The following RAB3GAP1 variants were observed in gnomAD, a reference collection of about 807,000 sequenced individuals.
RAB3GAP1 encodes RAB3 GTPase activating protein catalytic subunit 1.
A neutral mutation model predicts 130.7 loss-of-function variants in RAB3GAP1; 86 were observed. The observed-to-expected ratio is 0.66, with a 90% confidence interval of 0.55 to 0.79. The LOEUF (loss-of-function observed/expected upper bound fraction) is 0.79, where lower values mean the gene tolerates loss of function less well. Among genes scored for constraint, RAB3GAP1 ranks in the 30% least tolerant of loss-of-function variants. RAB3GAP1 has a pLI of 0.00. For synonymous variants in RAB3GAP1, 367 were observed against 401.7 expected (o/e 0.91, Z 1.03); for missense variants, 1,029 against 1,169.4 (o/e 0.88, Z 1.75).
chr2:135,130,120 A>C, intron 12 of RAB3GAP1, 33 bp downstream of exon 12: 2 of 1,493,900 alleles, frequency 1.3e-6, no homozygotes, highest in Non-Finnish European at 1.9e-6. Flanking sequence ...ATTACTTTCA[A>C]ATGTCTTACT....
At chr2:135,117,549 T>TCTTCTGCTG (rs1558784329) in intron 7 of RAB3GAP1, among the ~76,000 whole-genome samples, 1 of 83,600 alleles carries the variant, frequency 1.2e-5, no homozygotes, top group African/African-American at 3.7e-5. Context: ...TTCTGCTTCT[T>TCTTCTGCTG]CTTCTTCTGC....
rs538228100 is a variant in RAB3GAP1, at chr2:135,164,583, C to T, written c.2607-11C>T. 6.3e-7 allele frequency: 1 copy of T among 1,599,208 alleles called. No homozygotes were observed. Among genetic ancestry groups the T allele is most frequent in the Non-Finnish European group, 8.6e-7 (1 of 1,167,490 alleles). ...CTTTCCACCCTTTCATTGCCTGTCT[C>T]TGTCTCCTAGGTTTGTGAGTTGCCT... On this transcript the variant is annotated splice_polypyrimidine_tract_variant and intron_variant, in intron 22 of 23. Transcript: ENST00000264158.
At chr2:135,084,106 G>A (rs1278035523) in intron 3 of RAB3GAP1, among the ~76,000 whole-genome samples, 1 of 152,082 alleles carries the variant, frequency 6.6e-6, no homozygotes, top group Non-Finnish European at 1.5e-5. Flanking sequence ...TGAGCCAGAT[G>A]TTGTGGCACA....
chr2:135,106,037 A>T (rs1420728486), intron 5 of RAB3GAP1, among the ~76,000 whole-genome samples: 1 of 147,352 alleles, frequency 6.8e-6, no homozygotes, highest in Admixed American at 6.7e-5. Context: ...TCCGCCCGGC[A>T]GCCGCCCCAT....
intron 5 of RAB3GAP1, among the ~76,000 whole-genome samples, chr2:135,094,937 A>G (rs1690248518): frequency 6.6e-6 from 1 of 152,120 alleles, no homozygotes; most frequent in Non-Finnish European, 1.5e-5. Flanking sequence ...TTCTTTATTC[A>G]TTCATCTATT....
chr2:135,164,609 G>C lies in RAB3GAP1; in HGVS notation c.2622G>C (p.Leu874=). The change falls in exon 23 of 24, where the codon CTG becomes CTC. Residue 874 remains leucine (L), a synonymous_variant. Coordinates refer to ENST00000264158, the MANE Select transcript of RAB3GAP1 (RefSeq NM_012233.3). ...KEDLERFVSC[L]LEQPEVLVTG... ...TGTCTCCTAGGTTTGTGAGTTGCCT[G>C]CTGGAGCAGCCTGAAGTGTTAGTCA... 1 of 1,612,722 alleles carries C rather than the reference G, an allele frequency of 6.2e-7. No homozygotes were observed. Among genetic ancestry groups the C allele is most frequent in the Non-Finnish European group, 8.5e-7 (1 of 1,179,122 alleles).
chr2:135,168,660 G>C lies in RAB3GAP1; in HGVS notation c.2825G>C (p.Arg942Pro), dbSNP rs761418983. 8 of 1,614,176 alleles carry C rather than the reference G, an allele frequency of 5.0e-6. No homozygotes were observed. The highest frequency in any genetic ancestry group is 6.8e-6 in the Non-Finnish European group (8 of 1,180,044). ...PPPAGREFIL[R>P]TTVPRPAPYS... ...CCTGCTGGCCGGGAATTCATTTTGC[G>C]CACCACTGTGCCGCGCCCTGCTCCC... The change falls in exon 24 of 24, where the codon CGC becomes CCC. Residue 942 changes from arginine (R) to proline (P), a missense_variant. By Grantham distance (103) the Arg-to-Pro change is moderately radical. This residue lies in a region of RAB3GAP1 where 146 missense variants were observed against 143.7 expected (regional missense o/e 1.02). Transcript: ENST00000264158.
At position 135,081,328 on chromosome 2, in the gene RAB3GAP1, ATATATATATAT is replaced by A. The variant is rs1477800416; in HGVS notation, c.151-9669_151-9659del. Among the ~76,000 whole-genome samples, 24 of 55,390 alleles carry A rather than the reference ATATATATATAT, an allele frequency of 4.3e-4. 1 individual carries two copies. The highest frequency in any genetic ancestry group is 2.3e-3 in the African/African-American group (22 of 9,436). 36.3% of individuals were successfully genotyped at this position (55,390 alleles called of 152,430 possible). A position where few individuals can be genotyped will look rare whatever the true frequency, so the allele number is the denominator to read the frequency against. On this transcript the variant is annotated intron_variant, in intron 3 of 23. Transcript: ENST00000264158. The stretch of plus-strand genomic sequence containing the variant: ...TCTCAAAAAAAAAAAAAAAAAAAAA[ATATATATATAT>A]ATATATATATATATATATATATACA...
At chr2:135,126,271 G>C in intron 10 of RAB3GAP1, 22 bp downstream of exon 10, 1 of 1,571,742 alleles carries the variant, frequency 6.4e-7, no homozygotes, top group South Asian at 1.1e-5. Context: ...AAGAGTAGTA[G>C]TACACTGAGA....
chr2:135,145,387 CACACACACACAT>C (rs1048384048), intron 17 of RAB3GAP1, among the ~76,000 whole-genome samples: 6 of 142,230 alleles, frequency 4.2e-5, no homozygotes, highest in African/African-American at 1.4e-4. Context: ...CCCTCACCAA[CACACACACACAT>C]ACACACACAC....
intron 5 of RAB3GAP1, among the ~76,000 whole-genome samples, chr2:135,100,282 A>G (rs1414942418): frequency 6.6e-6 from 1 of 152,230 alleles, no homozygotes; most frequent in East Asian, 1.9e-4. Context: ...CAGTTTTATA[A>G]GTCAAACTAA....
chr2:135,080,800 C>A (rs993734193), intron 3 of RAB3GAP1, among the ~76,000 whole-genome samples: 1 of 152,056 alleles, frequency 6.6e-6, no homozygotes, highest in African/African-American at 2.4e-5. Flanking sequence ...CTGAATTTCC[C>A]CTGTGGAATG....
chr2:135,117,578 T>TGC (rs1377391814), intron 7 of RAB3GAP1, among the ~76,000 whole-genome samples: 2,437 of 150,228 alleles, frequency 0.016, 76 homozygotes, highest in African/African-American at 0.057. Context: ...CTGCTTCTTC[T>TGC]TCTGCTTCTT....
At chr2:135,069,024 C>T (rs1269894945) in intron 3 of RAB3GAP1, among the ~76,000 whole-genome samples, 2 of 152,166 alleles carry the variant, frequency 1.3e-5, no homozygotes, top group East Asian at 3.9e-4. Flanking sequence ...TTGGCAGTTA[C>T]ATCTCTATTG....
chr2:135,100,026 C>A (rs928679922), intron 5 of RAB3GAP1, among the ~76,000 whole-genome samples: 6 of 151,958 alleles, frequency 3.9e-5, no homozygotes, highest in Admixed American at 2.6e-4. Flanking sequence ...TTCTGGAAGC[C>A]TAGTTTCTGG....
chr2:135,171,906 A>T (rs184235700), downstream of RAB3GAP1, among the ~76,000 whole-genome samples: 1 of 152,326 alleles, frequency 6.6e-6, no homozygotes, highest in Admixed American at 6.5e-5. Flanking sequence ...GACTGCAGAC[A>T]GGGATTGGCC....
In RAB3GAP1 at chr2:135,133,925, T is replaced by G; in HGVS notation, c.1391T>G (p.Leu464Arg). 1 of 1,613,936 alleles carries G rather than the reference T, an allele frequency of 6.2e-7. No individual in the cohort carries two copies. Among genetic ancestry groups the G allele is most frequent in the Non-Finnish European group, 8.5e-7 (1 of 1,179,812 alleles). The change falls in exon 15 of 24, where the codon CTC (leucine) becomes CGC (arginine). Residue 464 changes from leucine to arginine, a missense_variant. Transcript: ENST00000264158. ...DSLTYKLALC[L>R]CMINFYHGGL... ...TTAACATACAAACTGGCTTTGTGTC[T>G]CTGTATGATCAATTTTTACCATGGA...
At chr2:135,080,116 C>CAAA (rs764426198) in intron 3 of RAB3GAP1, among the ~76,000 whole-genome samples, 88 of 72,978 alleles carry the variant, frequency 1.2e-3, no homozygotes, top group East Asian at 2.6e-3. Context: ...GACTCCGTCT[C>CAAA]AAAAAAAAAA....
At chr2:135,172,101 GTT>G (rs1255889481), downstream of RAB3GAP1, among the ~76,000 whole-genome samples, 1 of 152,116 alleles carries the variant, frequency 6.6e-6, no homozygotes, top group African/African-American at 2.4e-5. Context: ...CCATTGGAGA[GTT>G]TGAACCAGGG....
Sources: allele counts gnomAD v4.1 joint callset (sites outside exome capture counted in the v4.1 genomes callset), GRCh38; gene constraint gnomAD v4.1.1; regional missense constraint gnomAD v4.1.1; transcripts MANE v1.5; gene names NCBI Gene and HGNC (gene_info 2026-07-23, HGNC 2026-07-21).